The following MYH1 variants were observed in gnomAD, a reference collection of about 807,000 sequenced individuals.
The protein encoded by MYH1 is myosin heavy chain 1, also known as myosin-1.
MYH1 carries 214 observed loss-of-function variants against 225.6 expected under a neutral mutation model. The observed-to-expected ratio is 0.95, with a 90% CI of 0.85 to 1.06. The LOEUF is 1.06. MYH1 is among the 50% of genes least tolerant of loss of function. The probability of loss-of-function intolerance (pLI) is 0.00; values close to 1 mark genes in which losing one functional copy is unlikely to be tolerated. For missense variants in MYH1, 2,098 were observed against 2,344.2 expected (o/e 0.89, Z 2.17); for synonymous variants, 774 against 842.3 (o/e 0.92, Z 1.40).
In MYH1 at chr17:10,496,298, G is replaced by A. The variant is rs1350162412; in HGVS notation, c.4908C>T (p.Ala1636=). 1.2e-6 allele frequency: 2 copies of A among 1,614,068 alleles called. No homozygotes were observed. Among genetic ancestry groups the A allele is most frequent in the Non-Finnish European group, 1.7e-6 (2 of 1,180,026 alleles). The part of the protein sequence containing the change: ...LNEMEIQLNH[A]NRMAAEALRN... ...TCAGGGCCTCAGCAGCCATGCGGTT[G>A]GCATGGTTCAGCTGGATTTCCATTT... Residue 1636 remains alanine (A), a synonymous_variant, in exon 34 of 40, where the codon GCC becomes GCT. Transcript: ENST00000226207.
chr17:10,494,563 C>T lies in MYH1; in HGVS notation c.5571+6G>A. On this transcript the variant is annotated splice_donor_region_variant and intron_variant, in intron 38 of 39. Transcript: ENST00000226207. ...AGTGAAAACCTAGACAGGCCATTTT[C>T]CTTACTTGGTAAGTGAGTTCCTTCA... The T allele has an allele frequency of 6.2e-7, 1 of 1,613,466 alleles. No homozygotes were observed. The highest frequency in any genetic ancestry group is 8.5e-7 in the Non-Finnish European group (1 of 1,179,818).
At position 10,502,614 on chromosome 17, in the gene MYH1, T is replaced by C. The variant is rs150653566; in HGVS notation, c.3111+124A>G. 2.4e-5 allele frequency: 33 copies of C among 1,391,770 alleles called. No homozygotes were observed. In the East Asian group the frequency reaches 4.6e-4, roughly 19 times the overall value. 86.2% of individuals were successfully genotyped at this position (1,391,770 alleles called of 1,614,324 possible). A position where few individuals can be genotyped will look rare whatever the true frequency, so the allele number is the denominator to read the frequency against. On this transcript the variant is annotated intron_variant, in intron 24 of 39. Coordinates refer to ENST00000226207, the MANE Select transcript of MYH1 (RefSeq NM_005963.4). ...CTTAGACCTTGTAATAGGGATGATGTTCCATATTCCTCATTCATAGGAGGC... is the reference window on the plus strand; with the variant it reads ...CTTAGACCTTGTAATAGGGATGATGCTCCATATTCCTCATTCATAGGAGGC...
rs182599171 is a variant in MYH1, at chr17:10,517,117, C to G, written c.-40-435G>C. 1.2e-3 allele frequency among the ~76,000 whole-genome samples: 187 copies of G among 152,254 alleles called. 1 individual carries two copies. The highest frequency in any genetic ancestry group is 2.2e-4 in the Non-Finnish European group (15 of 68,022). Reference sequence around the variant, plus strand: ...TCTTCTTTTTATGGTATCCTTCACACCTCTTAGAACAAATGCTGGACACAG... The same window carrying G: ...TCTTCTTTTTATGGTATCCTTCACAGCTCTTAGAACAAATGCTGGACACAG... On this transcript the variant is annotated intron_variant, in intron 2 of 39. Coordinates refer to ENST00000226207, the MANE Select transcript of MYH1 (RefSeq NM_005963.4).
At chr17:10,506,282 G>A (rs1314601740) in intron 17 of MYH1, among the ~76,000 whole-genome samples, 183 bp from the exon 18 acceptor site, 2 of 152,102 alleles carry the variant, frequency 1.3e-5, no homozygotes, top group African/African-American at 2.4e-5. Context: ...TTTTCTGTTG[G>A]TGTGCATTAG....
rs1312993096 is a variant in MYH1, at chr17:10,492,406, G to C, written c.*10C>G. ...GCATTTCTTTGGTCACCTTTCAGCA[G>C]TTAGATAAATTACTCTTCACTTATG... is the stretch of plus-strand genomic sequence containing the variant. On this transcript the variant is annotated 3_prime_UTR_variant, in exon 40 of 40. Transcript: ENST00000226207. 13 of 1,613,198 alleles carry C rather than the reference G, an allele frequency of 8.1e-6. No homozygotes were observed. Among genetic ancestry groups the C allele is most frequent in the Non-Finnish European group, 1.1e-5 (13 of 1,179,656 alleles).
chr17:10,511,896 C>G lies in MYH1; in HGVS notation c.1359G>C (p.Lys453Asn). ...VTRINQQLDT[K>N]QPRQYFIGVL... Reference sequence around the variant, plus strand: ...CCCCAATGAAGTACTGCCTGGGCTGCTTGGTGTCCAGCTGCTGGTTGATGC... The same window carrying G: ...CCCCAATGAAGTACTGCCTGGGCTGGTTGGTGTCCAGCTGCTGGTTGATGC... The change falls in exon 14 of 40, where the codon AAG becomes AAC. Residue 453 changes from lysine (K) to asparagine (N), a missense_variant. Transcript: ENST00000226207. 7 of 1,614,208 alleles carry G rather than the reference C, an allele frequency of 4.3e-6. No individual in the cohort carries two copies. The highest frequency in any genetic ancestry group is 5.9e-6 in the Non-Finnish European group (7 of 1,180,030).
chr17:10,495,136 C>T (rs755432211), intron 36 of MYH1, 35 bp from the exon 37 acceptor site: 3 of 1,614,188 alleles, frequency 1.9e-6, no homozygotes, highest in Non-Finnish European at 1.7e-6. Flanking sequence ...GTTAAGACAG[C>T]TAAGACAGCA....
At position 10,500,723 on chromosome 17, in the gene MYH1, T is replaced by C. The variant is rs776455024; in HGVS notation, c.3768A>G (p.Leu1256=). The part of the protein sequence containing the change: ...KGNLEKMCRA[L]EDQLSEIKTK... The stretch of plus-strand genomic sequence containing the variant: ...TCTTAATTTCACTCAGTTGATCTTC[T>C]AGAGCGCGGCACATCTTTTCAAGGT... Residue 1256 remains leucine, a synonymous_variant, in exon 28 of 40, where the codon CTA becomes CTG. Transcript: ENST00000226207. 6.2e-6 allele frequency: 10 copies of C among 1,614,146 alleles called. No homozygotes were observed. The highest frequency in any genetic ancestry group is 2.2e-5 in the South Asian group (2 of 91,078).
At position 10,500,764 on chromosome 17, in the gene MYH1, A is replaced by C. The variant is rs1379923170; in HGVS notation, c.3739-12T>G. The stretch of plus-strand genomic sequence containing the variant: ...TTTTCAAGGTTTCCCTGCATTCAAA[A>C]AGTGGTAGAAGGCATCTCAAGTAAG... On this transcript the variant is annotated splice_polypyrimidine_tract_variant and intron_variant, in intron 27 of 39. Transcript: ENST00000226207. 6.2e-7 allele frequency: 1 copy of C among 1,614,102 alleles called. No individual in the cohort carries two copies. The highest frequency in any genetic ancestry group is 8.5e-7 in the Non-Finnish European group (1 of 1,179,996).
chr17:10,512,983 C>T lies in MYH1; in HGVS notation c.806-18G>A. On this transcript the variant is annotated intron_variant, in intron 9 of 39. Transcript: ENST00000226207. ...CAGAAGATCTGCAACGGATAGTAGACATCAGATTATGGGGAAAAATTACAC... is the reference window on the plus strand; with the variant it reads ...CAGAAGATCTGCAACGGATAGTAGATATCAGATTATGGGGAAAAATTACAC... The T allele has an allele frequency of 6.4e-7, 1 of 1,559,276 alleles. No homozygotes were observed. Among genetic ancestry groups the T allele is most frequent in the Non-Finnish European group, 8.8e-7 (1 of 1,134,356 alleles).
chr17:10,499,126 A>C (rs1314519184), intron 28 of MYH1, 34 bp from the exon 29 acceptor site: 2 of 1,551,860 alleles, frequency 1.3e-6, no homozygotes, highest in Non-Finnish European at 1.8e-6. Flanking sequence ...ACTCAACCTT[A>C]CTTTGGAAAT....
intron 16 of MYH1, 36 bp downstream of exon 16, chr17:10,508,327 T>G: frequency 6.4e-7 from 1 of 1,553,326 alleles, no homozygotes; most frequent in Non-Finnish European, 8.7e-7. Context: ...TTATGTTTTA[T>G]ACATTAGGTA....
chr17:10,505,802 A>C lies in MYH1; in HGVS notation c.2174+10T>G, dbSNP rs2073105377. 6.2e-7 allele frequency: 1 copy of C among 1,613,568 alleles called. No homozygotes were observed. The highest frequency in any genetic ancestry group is 8.5e-7 in the Non-Finnish European group (1 of 1,179,824). ...ACCTCTTAAAATAATTTACAGCAAAAATGTCTGACCTCTGTTTGAAGTCTG... is the reference window on the plus strand; with the variant it reads ...ACCTCTTAAAATAATTTACAGCAAACATGTCTGACCTCTGTTTGAAGTCTG... On this transcript the variant is annotated intron_variant, in intron 19 of 39. Transcript: ENST00000226207.
rs2073008908 is a variant in MYH1 at position 10,497,457 on chromosome 17, A to C, written c.4366-5T>G. 6.3e-7 allele frequency: 1 copy of C among 1,596,422 alleles called. No homozygotes were observed. The highest frequency in any genetic ancestry group is 8.5e-7 in the Non-Finnish European group (1 of 1,176,110). On this transcript the variant is annotated splice_polypyrimidine_tract_variant and splice_region_variant and intron_variant, in intron 31 of 39. Transcript: ENST00000226207. ...CTGTTTCCATTCTGCCAGGATCTGA[A>C]GGTCAAGGAATGGACAAGAAATTTA... is the stretch of plus-strand genomic sequence containing the variant.
Position 10,514,069 on chromosome 17 carries a change from C to A in MYH1, c.589G>T (p.Ala197Ser). The A allele has an allele frequency of 6.2e-7, 1 of 1,614,194 alleles. No homozygotes were observed. Among genetic ancestry groups the A allele is most frequent in the East Asian group, 2.2e-5 (1 of 44,884 alleles). ...VNTKRVIQYF[A>S]TIAVTGEKKK... Reference sequence around the variant, plus strand: ...TTCTCCCCAGTAACTGCAATTGTTGCAAAGTACTGGATGACACGCTTGGTG... The same window carrying A: ...TTCTCCCCAGTAACTGCAATTGTTGAAAAGTACTGGATGACACGCTTGGTG... Residue 197 changes from alanine (A) to serine (S), a missense_variant, in exon 7 of 40, where the codon GCA becomes TCA. Coordinates refer to ENST00000226207, the MANE Select transcript of MYH1 (RefSeq NM_005963.4).
intron 5 of MYH1, among the ~76,000 whole-genome samples, chr17:10,515,234 G>A (rs181322293): frequency 6.6e-6 from 1 of 152,270 alleles, no homozygotes; most frequent in Admixed American, 6.5e-5. Context: ...GTTTCTAAAT[G>A]TGTCAGATGA....
rs2073002066 is a variant in MYH1 at position 10,496,959 on chromosome 17, A to ATG, written c.4656+109_4656+110insCA. ...TGATCAGTTCTCCATTCTCATCCCT[A>ATG]GTTCATGGAGCAAAAATTATTTTTC... On this transcript the variant is annotated intron_variant, in intron 33 of 39. Transcript: ENST00000226207. The ATG allele has an allele frequency of 2.9e-6, 4 of 1,388,238 alleles. 1 individual carries two copies. The East Asian group carries it at 6.9e-5, about 24-fold the overall frequency. 86.0% of individuals were successfully genotyped at this position (1,388,238 alleles called of 1,614,324 possible).
Position 10,505,877 on chromosome 17 carries a change from C to T in MYH1, c.2109G>A (p.Leu703=), listed in dbSNP as rs776675055. ...VLHQLRCNGV[L]EGIRICRKGF... ...CTTTCCTGCAGATGCGGATGCCTTC[C>T]AGCACACCGTTACACCTCAGCTGAT... Residue 703 remains leucine (L), a synonymous_variant, in exon 19 of 40, where the codon CTG becomes CTA. Coordinates refer to ENST00000226207, the MANE Select transcript of MYH1 (RefSeq NM_005963.4). 1.6e-5 allele frequency: 26 copies of T among 1,613,984 alleles called. 1 individual carries two copies. The South Asian group carries it at 2.6e-4, about 16-fold the overall frequency.
At chr17:10,515,462 T>G (rs2142281213) in intron 5 of MYH1, among the ~76,000 whole-genome samples, 3 of 152,326 alleles carry the variant, frequency 2.0e-5, no homozygotes. Context: ...ACAGAGGATA[T>G]TATATCTGAG....
Sources: gnomAD v4.1 joint callset for allele counts (sites outside exome capture counted in the v4.1 genomes callset) on GRCh38, gnomAD v4.1.1 for gene constraint, MANE v1.5 for transcripts, NCBI Gene and HGNC (gene_info 2026-07-23, HGNC 2026-07-21) for gene names.